Variants in MAST4 observed in about 807,000 individuals in gnomAD.
MAST4 encodes microtubule-associated serine/threonine-protein kinase 4.
In MAST4, 89 loss-of-function variants were observed where a neutral mutation model predicts 162.7. The observed-to-expected ratio is 0.55, with a 90% CI of 0.46 to 0.65. MAST4 has a LOEUF of 0.65. Ranked by LOEUF, MAST4 falls within the 30% of genes least tolerant of loss-of-function variation. The pLI, the probability that MAST4 is intolerant of heterozygous loss-of-function variation, is 0.00. For missense variants in MAST4, 3,153 were observed against 3,374.0 expected (o/e 0.93, Z 1.62); for synonymous variants, 1,479 against 1,361.1 (o/e 1.09, Z -1.91).
At chr5:66,868,351 T>C (rs1760678150) in intron 3 of MAST4, among the ~76,000 whole-genome samples, 1 of 152,064 alleles carries the variant, frequency 6.6e-6, no homozygotes, top group East Asian at 1.9e-4. Context: ...CTCTTGGTTC[T>C]AGCTATGTGC....
At chr5:66,990,866 TTTTA>T (rs1270767175) in intron 4 of MAST4, among the ~76,000 whole-genome samples, 4 of 152,120 alleles carry the variant, frequency 2.6e-5, no homozygotes, top group Middle Eastern at 3.2e-3. Flanking sequence ...ACAGATATAG[TTTTA>T]TTTATTGGAC....
At chr5:67,102,244 A>G (rs573204732) in intron 8 of MAST4, among the ~76,000 whole-genome samples, 3 of 152,318 alleles carry the variant, frequency 2.0e-5, no homozygotes, top group African/African-American at 7.2e-5. Flanking sequence ...CATGCAGAAT[A>G]TAATTTCAAT....
chr5:66,702,859 G>A (rs533533120), intron 1 of MAST4, among the ~76,000 whole-genome samples: 48 of 152,250 alleles, frequency 3.2e-4, no homozygotes, highest in African/African-American at 1.0e-3. Flanking sequence ...TCAACTTAAC[G>A]TTCTGAGAGG....
chr5:66,918,448 C>T (rs37568), intron 4 of MAST4, among the ~76,000 whole-genome samples: 55,175 of 151,938 alleles, frequency 0.36, 10,791 homozygotes, highest in Non-Finnish European at 0.45. Context: ...ATAAAGTTTT[C>T]GAGTATTTGA....
chr5:66,837,894 A>ATATATATTTTTTTTT (rs1554057455), intron 3 of MAST4, among the ~76,000 whole-genome samples: 1 of 53,712 alleles, frequency 1.9e-5, no homozygotes, highest in African/African-American at 1.0e-4. Context: ...ATATATATAT[A>ATATATATTTTTTTTT]TTTTTTTTTT....
intron 4 of MAST4, among the ~76,000 whole-genome samples, chr5:66,975,193 A>G (rs149623096): frequency 1.2e-3 from 186 of 152,226 alleles, no homozygotes; most frequent in African/African-American, 4.2e-3. Flanking sequence ...TGGCCTATTG[A>G]CATCTTGATT....
chr5:66,754,733 C>A (rs1020974705), intron 1 of MAST4, among the ~76,000 whole-genome samples: 28 of 151,960 alleles, frequency 1.8e-4, no homozygotes, highest in Admixed American at 6.6e-4. Flanking sequence ...GAAACAAGTA[C>A]CAAAGATCTC....
intron 14 of MAST4, among the ~76,000 whole-genome samples, chr5:67,126,082 G>C (rs1304633752): frequency 6.6e-6 from 1 of 151,686 alleles, no homozygotes; most frequent in African/African-American, 2.4e-5. Flanking sequence ...CCCACTTTTT[G>C]ACGGAGTTGT....
chr5:66,912,694 A>G (rs77935835), intron 4 of MAST4, among the ~76,000 whole-genome samples: 3,039 of 152,262 alleles, frequency 0.02, 103 homozygotes, highest in African/African-American at 0.068. Context: ...CTTAATTATT[A>G]TCTTTGAGAA....
intron 2 of MAST4, among the ~76,000 whole-genome samples, chr5:66,785,316 A>G (rs760458300): frequency 1.3e-5 from 2 of 152,218 alleles, no homozygotes; most frequent in Non-Finnish European, 2.9e-5. Flanking sequence ...CTCTGCTCCC[A>G]TCTTTCCAGG....
At chr5:67,137,596 G>A (rs533799160) in intron 19 of MAST4, among the ~76,000 whole-genome samples, 55 of 152,174 alleles carry the variant, frequency 3.6e-4, no homozygotes, top group South Asian at 6.2e-4. Context: ...AATATTTATT[G>A]TATAGTATTC....
At chr5:66,867,440 A>G (rs1458060335) in intron 3 of MAST4, among the ~76,000 whole-genome samples, 1 of 152,232 alleles carries the variant, frequency 6.6e-6, no homozygotes, top group Non-Finnish European at 1.5e-5. Flanking sequence ...GGGGAACAAT[A>G]ATTTATTTAA....
intron 4 of MAST4, among the ~76,000 whole-genome samples, chr5:67,031,450 T>C (rs922974281): frequency 1.3e-5 from 2 of 149,470 alleles, no homozygotes; most frequent in East Asian, 3.9e-4. Flanking sequence ...CCTGTTATCA[T>C]AATGGATGGT....
chr5:66,977,237 A>T (rs1381651754), intron 4 of MAST4, among the ~76,000 whole-genome samples: 1 of 152,076 alleles, frequency 6.6e-6, no homozygotes, highest in Non-Finnish European at 1.5e-5. Context: ...AGTAGCTGGG[A>T]TTACAGGCAT....
At chr5:66,751,088 G>C (rs546878610) in intron 1 of MAST4, among the ~76,000 whole-genome samples, 15 of 152,036 alleles carry the variant, frequency 9.9e-5, no homozygotes, top group Admixed American at 2.6e-4. Flanking sequence ...TGAGGGTCCT[G>C]TCTGTTGGAA....
chr5:66,596,417 C>G lies in MAST4; in HGVS notation c.-239C>G, dbSNP rs909751881. ...CACAGTGGAGCGCAGATCGCGGACC[C>G]GAGCGGGCATGTCCCCGCGCGCGGG... On this transcript the variant is annotated 5_prime_UTR_variant, in exon 1 of 29. Coordinates refer to ENST00000403625, the MANE Select transcript of MAST4 (RefSeq NM_001164664.2). 4.9e-6 allele frequency: 2 copies of G among 407,464 alleles called. No homozygotes were observed. Among genetic ancestry groups the G allele is most frequent in the Non-Finnish European group, 8.4e-6 (2 of 237,628 alleles). The allele number at this position is 407,464 out of a possible 1,614,324, so 25.2% of individuals were successfully genotyped here. A position where few individuals can be genotyped will look rare whatever the true frequency, so the allele number is the denominator to read the frequency against.
chr5:66,970,547 T>G (rs533803813), intron 4 of MAST4, among the ~76,000 whole-genome samples: 11 of 152,202 alleles, frequency 7.2e-5, no homozygotes, highest in Non-Finnish European at 1.6e-4. Context: ...GACACCTACA[T>G]GTTCCAGGCC....
intron 4 of MAST4, among the ~76,000 whole-genome samples, chr5:67,035,633 C>T (rs1248637627): frequency 6.6e-6 from 1 of 152,054 alleles, no homozygotes; most frequent in Admixed American, 6.6e-5. Flanking sequence ...TGTGGTCCTC[C>T]TTGATGCCGG....
chr5:66,830,112 T>G (rs2149754971), intron 3 of MAST4, among the ~76,000 whole-genome samples: 1 of 152,316 alleles, frequency 6.6e-6, no homozygotes, highest in Non-Finnish European at 1.5e-5. Flanking sequence ...AGTTGTTAAA[T>G]ATGGAAAGGC....
Sources: gnomAD v4.1 joint callset for allele counts (sites outside exome capture counted in the v4.1 genomes callset) on GRCh38, gnomAD v4.1.1 for gene constraint, MANE v1.5 for transcripts, NCBI Gene and HGNC (gene_info 2026-07-23, HGNC 2026-07-21) for gene names.